The following TMEM132D variants were observed in gnomAD, a reference collection of about 807,000 sequenced individuals.
TMEM132D encodes the protein transmembrane protein 132D, also known as mature OL transmembrane protein.
In TMEM132D, 21 loss-of-function variants were observed where a neutral mutation model predicts 62.3. That is an observed-to-expected ratio of 0.34 (90% confidence interval 0.24 to 0.49). TMEM132D has a LOEUF of 0.49. Ranked by LOEUF, TMEM132D falls within the 20% of genes least tolerant of loss-of-function variation. TMEM132D has a pLI of 0.99. For missense variants in TMEM132D, 1,346 were observed against 1,402.8 expected, an observed-to-expected ratio of 0.96 and a Z score of 0.65; for synonymous variants, 621 against 575.6, an observed-to-expected ratio of 1.08 and a Z score of -1.13.
At chr12:129,218,229 T>A (rs1879262183) in intron 4 of TMEM132D, among the ~76,000 whole-genome samples, 1 of 152,246 alleles carries the variant, frequency 6.6e-6, no homozygotes, top group African/African-American at 2.4e-5. Flanking sequence ...AATTCATTTT[T>A]AAAAATGTTA....
At chr12:129,367,847 G>A (rs1487999538) in intron 3 of TMEM132D, among the ~76,000 whole-genome samples, 1 of 147,006 alleles carries the variant, frequency 6.8e-6, no homozygotes, top group Non-Finnish European at 1.5e-5. Context: ...GTGCAGCAGT[G>A]CAATCTTGGC....
intron 2 of TMEM132D, among the ~76,000 whole-genome samples, chr12:129,695,089 G>T (rs1241322467): frequency 6.6e-6 from 1 of 152,146 alleles, no homozygotes; most frequent in Non-Finnish European, 1.5e-5. Context: ...GCTGATTCTG[G>T]GAGCTGCCTG....
At chr12:129,641,411 G>A (rs1451536780) in intron 2 of TMEM132D, among the ~76,000 whole-genome samples, 2 of 152,108 alleles carry the variant, frequency 1.3e-5, no homozygotes, top group East Asian at 3.9e-4. Flanking sequence ...ACACCTAGAA[G>A]AATGCCTGTG....
chr12:129,289,592 C>G (rs1288158384), intron 4 of TMEM132D, among the ~76,000 whole-genome samples: 1 of 145,582 alleles, frequency 6.9e-6, no homozygotes, highest in Non-Finnish European at 1.5e-5. Context: ...AAAGGAAAAG[C>G]AAAAAGAACT....
In TMEM132D at chr12:129,610,740, TA is replaced by T. The variant is rs71451322; in HGVS notation, c.969-79536del. Among the ~76,000 whole-genome samples the T allele has an allele frequency of 1.9e-3, 275 of 146,070 alleles. 3 individuals carry two copies. The highest frequency in any genetic ancestry group is 0.012 in the East Asian group (58 of 5,002). On this transcript the variant is annotated intron_variant, in intron 2 of 8. Transcript: ENST00000422113. Reference sequence around the variant, plus strand: ...AAGTAAGTAATTGATGATGTTAACATAAAAAAAAAAAACTTTAGAAGGCTGC... The same window carrying T: ...AAGTAAGTAATTGATGATGTTAACATAAAAAAAAAAACTTTAGAAGGCTGC...
intron 2 of TMEM132D, among the ~76,000 whole-genome samples, chr12:129,639,548 A>G (rs1376677374): frequency 1.3e-5 from 2 of 151,978 alleles, no homozygotes; most frequent in African/African-American, 4.8e-5. Flanking sequence ...AAGTGTCCCC[A>G]GTGGCCCAGA....
At position 129,625,578 on chromosome 12, in the gene TMEM132D, T is replaced by C. The variant is rs573794223; in HGVS notation, c.968+74232A>G. 4.6e-5 allele frequency among the ~76,000 whole-genome samples: 7 copies of C among 152,352 alleles called. No homozygotes were observed. The South Asian group carries it at 1.4e-3, about 32-fold the overall frequency. ...CTTTCATTGCTCTAGGCTGACGATA[T>C]GCTCACAGTTTTTACAGGCTGTTTC... On this transcript the variant is annotated intron_variant, in intron 2 of 8. Coordinates refer to ENST00000422113, the MANE Select transcript of TMEM132D (RefSeq NM_133448.3).
intron 2 of TMEM132D, among the ~76,000 whole-genome samples, chr12:129,643,225 A>C (rs1879688315): frequency 6.6e-6 from 1 of 152,138 alleles, no homozygotes; most frequent in Non-Finnish European, 1.5e-5. Flanking sequence ...ACCTAGCCAC[A>C]GATCATTTTA....
chr12:129,476,416 C>T (rs934062082), intron 3 of TMEM132D, among the ~76,000 whole-genome samples: 3 of 152,180 alleles, frequency 2.0e-5, no homozygotes, highest in Non-Finnish European at 2.9e-5. Flanking sequence ...ACCCACTGCA[C>T]GTATGCCAAG....
intron 3 of TMEM132D, among the ~76,000 whole-genome samples, chr12:129,452,231 T>C (rs1873314125): frequency 6.6e-6 from 1 of 152,194 alleles, no homozygotes; most frequent in South Asian, 2.1e-4. Context: ...GCGCCTGTCT[T>C]GGAAAAAATG....
intron 5 of TMEM132D, among the ~76,000 whole-genome samples, chr12:129,108,866 G>GCTTGCTTGCTGTGCTTGCTCT (rs1875588433): frequency 3.9e-5 from 6 of 152,198 alleles, no homozygotes; most frequent in Admixed American, 3.9e-4. Context: ...TTCCGTAAGT[G>GCTTGCTTGCTGTGCTTGCTCT]ACATTCTGCT....
intron 4 of TMEM132D, among the ~76,000 whole-genome samples, chr12:129,274,685 G>A (rs561506879): frequency 6.6e-6 from 1 of 152,004 alleles, no homozygotes; most frequent in Non-Finnish European, 1.5e-5. Context: ...AGGAGATCGA[G>A]ACCATCCTGG....
intron 3 of TMEM132D, among the ~76,000 whole-genome samples, chr12:129,382,790 G>A (rs1441800173): frequency 6.6e-6 from 1 of 152,096 alleles, no homozygotes; most frequent in Non-Finnish European, 1.5e-5. Flanking sequence ...CCAATCTATT[G>A]CACTGAGAGC....
chr12:129,246,929 G>C lies in TMEM132D; in HGVS notation c.1300-37266C>G, dbSNP rs914914359. 2.6e-5 allele frequency among the ~76,000 whole-genome samples: 4 copies of C among 152,094 alleles called. No homozygotes were observed. In the East Asian group the frequency reaches 7.7e-4, roughly 29 times the overall value. On this transcript the variant is annotated intron_variant, in intron 4 of 8. Coordinates refer to ENST00000422113, the MANE Select transcript of TMEM132D (RefSeq NM_133448.3). ...TGAGTTCATTTACTGGAAATGAAGG[G>C]CCTTTTTAAGGTTCAGAATAAATTA...
intron 3 of TMEM132D, among the ~76,000 whole-genome samples, chr12:129,355,266 A>G (rs568546183): frequency 6.6e-6 from 1 of 152,188 alleles, no homozygotes; most frequent in African/African-American, 2.4e-5. Context: ...ATGCAAGTCA[A>G]TGCATCTTAA....
At position 129,120,486 on chromosome 12, in the gene TMEM132D, C is replaced by T. The variant is rs148673220; in HGVS notation, c.1444-35784G>A. ...GATAGACCCAAACTGCGAGGCATTC[C>T]AAAATCTACCTGGCCATACTCTTCA... On this transcript the variant is annotated intron_variant, in intron 5 of 8. Coordinates refer to ENST00000422113, the MANE Select transcript of TMEM132D (RefSeq NM_133448.3). Among the ~76,000 whole-genome samples the T allele has an allele frequency of 6.7e-3, 1,013 of 152,176 alleles. 10 individuals carry two copies. Among genetic ancestry groups the T allele is most frequent in the African/African-American group, 0.023 (966 of 41,530 alleles).
chr12:129,416,868 C>G (rs1872136505), intron 3 of TMEM132D, among the ~76,000 whole-genome samples: 1 of 152,118 alleles, frequency 6.6e-6, no homozygotes, highest in African/African-American at 2.4e-5. Flanking sequence ...TATATTGAAC[C>G]AGCCTTGCAT....
intron 3 of TMEM132D, among the ~76,000 whole-genome samples, chr12:129,499,951 G>A (rs533515529): frequency 1.3e-5 from 2 of 151,556 alleles, no homozygotes; most frequent in South Asian, 4.2e-4. Flanking sequence ...CCTGAGTGGG[G>A]AGGCAATTCA....
chr12:129,392,066 CT>C (rs202148487), intron 3 of TMEM132D, among the ~76,000 whole-genome samples: 1 of 149,240 alleles, frequency 6.7e-6, no homozygotes, highest in African/African-American at 2.5e-5. Flanking sequence ...CTCAGTATTT[CT>C]TTTTTTTGAG....
Sources: allele counts gnomAD v4.1 joint callset (sites outside exome capture counted in the v4.1 genomes callset), GRCh38; gene constraint gnomAD v4.1.1; transcripts MANE v1.5; gene names NCBI Gene and HGNC (gene_info 2026-07-23, HGNC 2026-07-21).